The following TTLL7 variants were observed in gnomAD, a reference collection of about 807,000 sequenced individuals.
TTLL7 encodes tubulin polyglutamylase TTLL7.
Under a neutral mutation model 120.2 loss-of-function variants are expected in TTLL7, and 53 were observed. That is an observed-to-expected ratio of 0.44 (90% CI 0.35 to 0.55). The LOEUF is 0.55. TTLL7 is among the 20% of genes least tolerant of loss of function. TTLL7 has a pLI of 0.00. For missense variants in TTLL7, 803 were observed against 1,054.7 expected (o/e 0.76, Z 3.31); for synonymous variants, 353 against 351.7 (o/e 1.00, Z -0.04).
At chr1:83,969,217 G>C (rs1650753130) in intron 1 of TTLL7, among the ~76,000 whole-genome samples, 1 of 151,760 alleles carries the variant, frequency 6.6e-6, no homozygotes, top group South Asian at 2.1e-4. Flanking sequence ...AAAAAATTCA[G>C]ATTTCCAGAG....
At chr1:83,977,722 T>C (rs572168206) in intron 1 of TTLL7, among the ~76,000 whole-genome samples, 14 of 152,170 alleles carry the variant, frequency 9.2e-5, no homozygotes, top group Non-Finnish European at 1.9e-4. Context: ...AAAAAACTCA[T>C]AGCATGCTAC....
chr1:83,980,491 T>C (rs1159448373), intron 1 of TTLL7: 1 of 152,210 alleles, frequency 6.6e-6, no homozygotes, highest in East Asian at 1.9e-4. Flanking sequence ...CTTTTCTCTT[T>C]CAAGTGCTGA....
chr1:83,997,727 T>TC (rs1434527887), intron 1 of TTLL7, among the ~76,000 whole-genome samples: 6 of 152,220 alleles, frequency 3.9e-5, no homozygotes, highest in African/African-American at 1.4e-4. Flanking sequence ...CCTCATGAAC[T>TC]AAGTAACTAT....
intron 10 of TTLL7, among the ~76,000 whole-genome samples, chr1:83,926,472 A>G (rs1659138449): frequency 6.6e-6 from 1 of 152,182 alleles, no homozygotes; most frequent in Admixed American, 6.5e-5. Flanking sequence ...CATACATGTC[A>G]GACTCAAAAA....
intron 18 of TTLL7, among the ~76,000 whole-genome samples, chr1:83,899,480 T>C (rs1656521211): frequency 6.6e-6 from 1 of 152,008 alleles, no homozygotes; most frequent in African/African-American, 2.4e-5. Context: ...ATAAACTTGC[T>C]GTAGTTAAGA....
At chr1:83,990,768 T>G (rs981005268) in intron 1 of TTLL7, among the ~76,000 whole-genome samples, 1 of 152,152 alleles carries the variant, frequency 6.6e-6, no homozygotes, top group Non-Finnish European at 1.5e-5. Context: ...ATGGTGCAAC[T>G]CCTATGGAAA....
chr1:83,976,814 A>G (rs1367252989), intron 1 of TTLL7, among the ~76,000 whole-genome samples: 4 of 152,100 alleles, frequency 2.6e-5, no homozygotes, highest in Non-Finnish European at 5.9e-5. Flanking sequence ...GAACACTGAA[A>G]TAAAATACAC....
At chr1:83,910,449 A>G (rs570656651) in intron 15 of TTLL7, among the ~76,000 whole-genome samples, 1 of 152,258 alleles carries the variant, frequency 6.6e-6, no homozygotes, top group Non-Finnish European at 1.5e-5. Flanking sequence ...GCAATCCCAC[A>G]CTGGACATTT....
chr1:83,900,252 A>G (rs1656603530), intron 18 of TTLL7: 2 of 378,614 alleles, frequency 5.3e-6, no homozygotes, highest in South Asian at 4.1e-5. Context: ...CTAGAATTAA[A>G]AGAGTCTAGA....
intron 7 of TTLL7, 86 bp from the exon 8 acceptor site, chr1:83,938,102 TAAAG>T (rs1392178990): frequency 9.5e-6 from 12 of 1,267,436 alleles, no homozygotes; most frequent in Non-Finnish European, 1.3e-5. Context: ...ACTCAAAGAC[TAAAG>T]AAAGTTTTAA....
At chr1:83,996,323 T>C (rs1346109910) in intron 1 of TTLL7, among the ~76,000 whole-genome samples, 1 of 152,160 alleles carries the variant, frequency 6.6e-6, no homozygotes, top group African/African-American at 2.4e-5. Flanking sequence ...GCAACAGATA[T>C]GGAGAATGTA....
At chr1:83,937,422 C>T (rs937284596) in intron 8 of TTLL7, among the ~76,000 whole-genome samples, 4 of 152,022 alleles carry the variant, frequency 2.6e-5, no homozygotes, top group South Asian at 2.1e-4. Flanking sequence ...AGGCTGGTCT[C>T]GAACTCCTGA....
chr1:83,874,598 A>G (rs1388380679), intron 20 of TTLL7, among the ~76,000 whole-genome samples: 1 of 152,056 alleles, frequency 6.6e-6, no homozygotes, highest in African/African-American at 2.4e-5. Context: ...CCAGCAATGC[A>G]TGAGAAATCC....
intron 17 of TTLL7, 29 bp from the exon 18 acceptor site, chr1:83,904,188 T>G (rs1170925958): frequency 6.4e-7 from 1 of 1,573,720 alleles, no homozygotes; most frequent in South Asian, 1.1e-5. Context: ...ATTAAGAAAT[T>G]TACAGGTTGA....
chr1:83,947,033 G>T, intron 6 of TTLL7, 91 bp downstream of exon 6: 4 of 958,980 alleles, frequency 4.2e-6, no homozygotes, highest in Non-Finnish European at 5.9e-6. Flanking sequence ...TTTTCATATT[G>T]GTACTCACGC....
At chr1:83,989,784 T>A (rs138250657) in intron 1 of TTLL7, among the ~76,000 whole-genome samples, 1 of 152,310 alleles carries the variant, frequency 6.6e-6, no homozygotes, top group Non-Finnish European at 1.5e-5. Context: ...ATTTTAACAA[T>A]ATTGATTAAT....
At chr1:83,931,208 G>T (rs922724990) in intron 9 of TTLL7, among the ~76,000 whole-genome samples, 1 of 151,938 alleles carries the variant, frequency 6.6e-6, no homozygotes, top group Non-Finnish European at 1.5e-5. Context: ...TCAACAGCTT[G>T]TAAATGCATT....
At chr1:83,942,748 T>C (rs1186118046) in intron 6 of TTLL7, 69 bp from the exon 7 acceptor site, 4 of 1,148,694 alleles carry the variant, frequency 3.5e-6, no homozygotes, top group Admixed American at 4.9e-5. Flanking sequence ...GTTATAGATA[T>C]ACTCAAATGG....
rs1399968350 is a variant in TTLL7, at chr1:83,866,763, G to A, written c.*3199C>T. 2 of 151,996 alleles carry A rather than the reference G, an allele frequency of 1.3e-5. No individual in the cohort carries two copies. Among genetic ancestry groups the A allele is most frequent in the East Asian group, 3.9e-4 (2 of 5,186 alleles). The allele number at this position is 151,996 out of a possible 1,614,324, so 9.4% of individuals were successfully genotyped here. ...CTACTAAAATAAAAATTTGTTGCTA[G>A]TAAAATTAATCAAAATATGAATAAC... On this transcript the variant is annotated 3_prime_UTR_variant, in exon 21 of 21. Coordinates refer to ENST00000260505, the MANE Select transcript of TTLL7 (RefSeq NM_024686.6).
Sources: allele counts gnomAD v4.1 joint callset (sites outside exome capture counted in the v4.1 genomes callset), GRCh38; gene constraint gnomAD v4.1.1; transcripts MANE v1.5; gene names NCBI Gene and HGNC (gene_info 2026-07-23, HGNC 2026-07-21).